Variants in SNTG1 observed in about 807,000 individuals in gnomAD.
SNTG1 encodes syntrophin gamma 1, also known as gamma-1-syntrophin.
SNTG1 carries 39 observed loss-of-function variants against 74.7 expected under a neutral mutation model. The ratio of observed to expected loss-of-function variants is 0.52; its 90% CI spans 0.40 to 0.68. The LOEUF (loss-of-function observed/expected upper bound fraction) is 0.68. SNTG1 is among the 30% of genes least tolerant of loss of function. SNTG1 has a pLI of 0.00. For synonymous variants in SNTG1, 254 were observed against 217.1 expected (o/e 1.17, Z -1.49); for missense variants, 685 against 609.5 (o/e 1.12, Z -1.30).
rs371650276 is a variant in SNTG1 at position 49,938,619 on chromosome 8, C to CT, written c.-103+26391dup. Among the ~76,000 whole-genome samples, 291 of 40,996 alleles carry CT rather than the reference C, an allele frequency of 7.1e-3. 3 individuals carry two copies. The highest frequency in any genetic ancestry group is 0.023 in the African/African-American group (268 of 11,768). 26.9% of individuals were successfully genotyped at this position (40,996 alleles called of 152,430 possible). On this transcript the variant is annotated intron_variant, in intron 1 of 18. Transcript: ENST00000642720. Reference sequence around the variant, plus strand: ...TTTCTTTTCTTTTCTTTCTTTCTTTCTTTCTTTCTTTCTTTCTTTCTTTCC... The same window carrying CT: ...TTTCTTTTCTTTTCTTTCTTTCTTTCTTTTCTTTCTTTCTTTCTTTCTTTCC...
At chr8:50,254,864 A>AAGAAAG (rs1563803930) in intron 2 of SNTG1, among the ~76,000 whole-genome samples, 1 of 147,344 alleles carries the variant, frequency 6.8e-6, no homozygotes, top group African/African-American at 2.5e-5. Context: ...AAAAAAAAAA[A>AAGAAAG]AAAGAAAGAA....
chr8:50,473,310 T>C (rs1266415689), intron 8 of SNTG1, among the ~76,000 whole-genome samples: 1 of 152,134 alleles, frequency 6.6e-6, no homozygotes, highest in Non-Finnish European at 1.5e-5. Context: ...GCTATAACTG[T>C]AAAATTCCTG....
At chr8:50,418,973 TG>T (rs2093048044) in intron 4 of SNTG1, among the ~76,000 whole-genome samples, 1 of 152,146 alleles carries the variant, frequency 6.6e-6, no homozygotes, top group Admixed American at 6.6e-5. Flanking sequence ...CTCTATTATT[TG>T]TACTAGGTAA....
At chr8:50,622,541 T>A (rs914988658) in intron 13 of SNTG1, among the ~76,000 whole-genome samples, 4 of 152,162 alleles carry the variant, frequency 2.6e-5, no homozygotes, top group African/African-American at 7.2e-5. Flanking sequence ...TTAGTTAGGG[T>A]AAACTATAAG....
At chr8:50,667,154 T>C (rs1203639059) in intron 15 of SNTG1, among the ~76,000 whole-genome samples, 1 of 152,200 alleles carries the variant, frequency 6.6e-6, no homozygotes, top group African/African-American at 2.4e-5. Flanking sequence ...ATCGATATCA[T>C]TATTAGGCAA....
chr8:50,258,052 G>A (rs1012486672), intron 2 of SNTG1, among the ~76,000 whole-genome samples: 6 of 152,214 alleles, frequency 3.9e-5, no homozygotes, highest in African/African-American at 1.4e-4. Flanking sequence ...TGTCCTCTGA[G>A]TCTGCACATG....
chr8:50,463,382 C>A (rs941000043), intron 8 of SNTG1, among the ~76,000 whole-genome samples: 1 of 152,086 alleles, frequency 6.6e-6, no homozygotes, highest in Non-Finnish European at 1.5e-5. Context: ...TATCACCTTA[C>A]GAAATGTATT....
At chr8:50,484,963 C>T (rs1054506710) in intron 8 of SNTG1, among the ~76,000 whole-genome samples, 7 of 152,096 alleles carry the variant, frequency 4.6e-5, no homozygotes, top group African/African-American at 1.7e-4. Flanking sequence ...GAACTGAGTA[C>T]ACTTCATTTC....
At chr8:50,065,901 T>C (rs1419043565) in intron 1 of SNTG1, among the ~76,000 whole-genome samples, 1 of 152,138 alleles carries the variant, frequency 6.6e-6, no homozygotes, top group Non-Finnish European at 1.5e-5. Context: ...TCCTTTCCCG[T>C]GATAGTTTCT....
chr8:50,772,650 G>A (rs2095630032), intron 18 of SNTG1, among the ~76,000 whole-genome samples: 1 of 152,024 alleles, frequency 6.6e-6, no homozygotes, highest in Non-Finnish European at 1.5e-5. Flanking sequence ...TGGGGGCAGA[G>A]GTGAAATGCT....
At chr8:50,704,443 G>T (rs1567311) in intron 15 of SNTG1, 157 bp from the exon 16 acceptor site, 548,951 of 854,070 alleles carry the variant, frequency 0.64, 182,334 homozygotes, top group East Asian at 0.7. Context: ...GGGCTTTGAA[G>T]CCCGGAGTTC....
intron 1 of SNTG1, among the ~76,000 whole-genome samples, chr8:49,970,674 T>C (rs879609367): frequency 6.6e-6 from 1 of 152,224 alleles, no homozygotes; most frequent in African/African-American, 2.4e-5. Flanking sequence ...GTAGCTCTAA[T>C]TCGCATGTCT....
intron 2 of SNTG1, among the ~76,000 whole-genome samples, chr8:50,199,902 G>A (rs992583808): frequency 2.6e-5 from 4 of 152,114 alleles, no homozygotes; most frequent in African/African-American, 9.7e-5. Flanking sequence ...ACAAAATTAG[G>A]GAACCTGTAT....
chr8:50,432,950 C>T (rs529485120), intron 4 of SNTG1, among the ~76,000 whole-genome samples: 10 of 151,852 alleles, frequency 6.6e-5, no homozygotes, highest in East Asian at 1.9e-4. Flanking sequence ...TCTCCATGCT[C>T]GGCTAATTTT....
chr8:50,762,695 C>A, intron 18 of SNTG1: 1 of 481,640 alleles, frequency 2.1e-6, no homozygotes, highest in Non-Finnish European at 4.2e-6. Flanking sequence ...CCCGAAGAGA[C>A]CATGGAGATT....
chr8:50,463,517 G>A lies in SNTG1; in HGVS notation c.363+12788G>A, dbSNP rs557342320. On this transcript the variant is annotated intron_variant, in intron 8 of 18. Transcript: ENST00000642720. Reference sequence around the variant, plus strand: ...TACATCTCCATTAGGGCTCTTGGGCGAGCAGGTGAATTGTCAGTGAGCAGT... The same window carrying A: ...TACATCTCCATTAGGGCTCTTGGGCAAGCAGGTGAATTGTCAGTGAGCAGT... Among the ~76,000 whole-genome samples the A allele has an allele frequency of 6.6e-5, 10 of 152,250 alleles. No individual in the cohort carries two copies. In the East Asian group the frequency reaches 7.7e-4, roughly 12 times the overall value.
intron 1 of SNTG1, among the ~76,000 whole-genome samples, chr8:49,961,753 A>G (rs16914099): frequency 0.022 from 3,282 of 152,276 alleles, 123 homozygotes; most frequent in African/African-American, 0.073. Flanking sequence ...CCCTCTCTAC[A>G]TCAGATCACA....
chr8:50,367,144 A>G (rs938008291), intron 2 of SNTG1, among the ~76,000 whole-genome samples: 11 of 151,836 alleles, frequency 7.2e-5, no homozygotes, highest in African/African-American at 2.2e-4. Context: ...TTTGGAAAAC[A>G]TTCATTTATA....
chr8:49,923,415 A>T (rs1356703297), intron 1 of SNTG1, among the ~76,000 whole-genome samples: 1 of 152,168 alleles, frequency 6.6e-6, no homozygotes, highest in Non-Finnish European at 1.5e-5. Flanking sequence ...ATAAGCATAT[A>T]AAGTCTTCAA....
Sources: allele counts gnomAD v4.1 joint callset (sites outside exome capture counted in the v4.1 genomes callset), GRCh38; gene constraint gnomAD v4.1.1; transcripts MANE v1.5; gene names NCBI Gene and HGNC (gene_info 2026-07-23, HGNC 2026-07-21).